Variants in WNK3 observed in about 807,000 individuals in gnomAD.
WNK3 encodes serine/threonine-protein kinase WNK3.
Under a neutral mutation model 116.7 loss-of-function variants are expected in WNK3, and 18 were observed. The observed-to-expected ratio is 0.15, with a 90% confidence interval of 0.11 to 0.23. WNK3 has a LOEUF of 0.23. Among genes scored for constraint, WNK3 ranks in the 10% least tolerant of loss-of-function variants. The pLI is 1.00. For synonymous variants in WNK3, 404 were observed against 469.4 expected, an observed-to-expected ratio of 0.86 and a Z score of 1.80; for missense variants, 993 against 1,323.8, an observed-to-expected ratio of 0.75 and a Z score of 3.88.
intron 1 of WNK3, among the ~76,000 whole-genome samples, chrX:54,341,239 A>C (rs1317671681): frequency 9.0e-6 from 1 of 110,670 alleles, no homozygotes; most frequent in Non-Finnish European, 1.9e-5. Flanking sequence ...TCTACTAAAA[A>C]TACAAAAATT....
chrX:54,208,901 A>G (rs2067583539), intron 22 of WNK3, among the ~76,000 whole-genome samples: 1 of 112,013 alleles, frequency 8.9e-6, no homozygotes, highest in Non-Finnish European at 1.9e-5. Flanking sequence ...CAACAAAAAA[A>G]TACAGCAACA....
chrX:54,235,476 G>A (rs1224088983), intron 20 of WNK3, among the ~76,000 whole-genome samples: 1 of 111,011 alleles, frequency 9.0e-6, no homozygotes, highest in African/African-American at 3.3e-5. Flanking sequence ...TAGTAGAGAC[G>A]GGGTTTTGCC....
exon 24 of WNK3, chrX:54,198,225 G>C (rs2067464216): frequency 1.3e-6 from 1 of 785,098 alleles, no homozygotes; most frequent in African/African-American, 2.1e-5. Context: ...TCAAATGAGG[G>C]AAAATATGAC....
chrX:54,260,026 C>T (rs1201993638), intron 10 of WNK3, among the ~76,000 whole-genome samples: 1 of 111,664 alleles, frequency 9.0e-6, no homozygotes, highest in Non-Finnish European at 1.9e-5. Context: ...TAAGGTCCTT[C>T]AGATGGCAAA....
chrX:54,258,263 G>A (rs1289523876), intron 11 of WNK3, among the ~76,000 whole-genome samples: 1 of 87,203 alleles, frequency 1.1e-5, no homozygotes, highest in Non-Finnish European at 2.2e-5. Flanking sequence ...GGGCAATAGA[G>A]TGAGACTCCA....
At chrX:54,297,901 G>A (rs1029473641) in intron 7 of WNK3, among the ~76,000 whole-genome samples, 1 of 110,142 alleles carries the variant, frequency 9.1e-6, no homozygotes, top group African/African-American at 3.3e-5. Context: ...GTGAAATCCC[G>A]TCTCTAGTAA....
chrX:54,276,235 G>A (rs1231239137), intron 10 of WNK3, among the ~76,000 whole-genome samples: 2 of 110,473 alleles, frequency 1.8e-5, no homozygotes, highest in Non-Finnish European at 3.8e-5. Flanking sequence ...AGCTACTCAG[G>A]AGGCTGAGAC....
chrX:54,241,729 G>A (rs1268229324), intron 17 of WNK3, among the ~76,000 whole-genome samples: 2 of 111,044 alleles, frequency 1.8e-5, no homozygotes, highest in Non-Finnish European at 3.8e-5. Flanking sequence ...TAAGGCGGGT[G>A]GATCATCTGA....
chrX:54,356,600 C>CT (rs2069597268), intron 1 of WNK3, among the ~76,000 whole-genome samples: 2 of 111,938 alleles, frequency 1.8e-5, no homozygotes, highest in African/African-American at 6.5e-5. Flanking sequence ...ACCCGCTGCT[C>CT]TGTCACATAC....
intron 5 of WNK3, among the ~76,000 whole-genome samples, chrX:54,302,774 T>A (rs1281784719): frequency 6.5e-5 from 4 of 61,232 alleles, no homozygotes; most frequent in Non-Finnish European, 9.3e-5. Context: ...TTTTTTTTTT[T>A]ATTTTTAAGA....
At chrX:54,218,726 A>AG (rs1316025638) in intron 22 of WNK3, among the ~76,000 whole-genome samples, 2 of 109,732 alleles carry the variant, frequency 1.8e-5, no homozygotes, top group African/African-American at 6.6e-5. Flanking sequence ...TCTACTAAAA[A>AG]TACAAAAATT....
chrX:54,311,618 T>A (rs2068887900), intron 2 of WNK3, among the ~76,000 whole-genome samples: 1 of 111,951 alleles, frequency 8.9e-6, no homozygotes, highest in Non-Finnish European at 1.9e-5. Flanking sequence ...CCCTAAGAAA[T>A]CCCTGAGTTT....
chrX:54,230,861 T>C (rs2067892477), intron 21 of WNK3, among the ~76,000 whole-genome samples: 1 of 112,437 alleles, frequency 8.9e-6, no homozygotes, highest in African/African-American at 3.2e-5. Flanking sequence ...TCCAGAGACA[T>C]GTTTTTACCA....
intron 22 of WNK3, among the ~76,000 whole-genome samples, chrX:54,222,940 A>ATATATATATATATAT (rs869180374): frequency 5.8e-5 from 5 of 86,461 alleles, no homozygotes; most frequent in African/African-American, 3.1e-4. Flanking sequence ...ATATATATAT[A>ATATATATATATATAT]AAAAAAGACA....
intron 1 of WNK3, chrX:54,343,713 T>C (rs1225925049): frequency 9.1e-6 from 1 of 110,460 alleles, no homozygotes; most frequent in Non-Finnish European, 1.9e-5. Context: ...CCAGGCTTAA[T>C]TGCAGTGGTG....
chrX:54,240,304 CA>C (rs1241150139), intron 17 of WNK3, among the ~76,000 whole-genome samples: 2,067 of 69,696 alleles, frequency 0.03, 56 homozygotes, highest in African/African-American at 0.096. Context: ...ACTCTTGTTT[CA>C]AAAAAAAAAA....
At chrX:54,243,188 G>A (rs2068040376) in intron 17 of WNK3, among the ~76,000 whole-genome samples, 1 of 107,525 alleles carries the variant, frequency 9.3e-6, no homozygotes, top group East Asian at 2.9e-4. Flanking sequence ...GGCCGAGGCG[G>A]GCGGATCACG....
At chrX:54,292,779 C>T (rs1453692824) in intron 10 of WNK3, 109 bp downstream of exon 10, 2 of 758,893 alleles carry the variant, frequency 2.6e-6, no homozygotes, top group Admixed American at 8.1e-5. Context: ...TTTTGGTGAC[C>T]TTTCTCTAAA....
intron 17 of WNK3, among the ~76,000 whole-genome samples, chrX:54,243,144 G>A (rs1439320912): frequency 1.9e-5 from 2 of 108,056 alleles, no homozygotes; most frequent in Non-Finnish European, 3.8e-5. Context: ...GGCCGGGCAC[G>A]GTGGCTCACG....
Sources: gnomAD v4.1 joint callset for allele counts (sites outside exome capture counted in the v4.1 genomes callset) on GRCh38, gnomAD v4.1.1 for gene constraint, MANE v1.5 for transcripts, NCBI Gene and HGNC (gene_info 2026-07-23, HGNC 2026-07-21) for gene names.